LRRC4C: variants seen among roughly 807,000 people sequenced by gnomAD.
The protein encoded by LRRC4C is leucine rich repeat containing 4C.
A neutral mutation model predicts 33.6 loss-of-function variants in LRRC4C; 5 were observed. The ratio of observed to expected loss-of-function variants is 0.15; its 90% CI spans 0.08 to 0.31. LRRC4C has a LOEUF of 0.31. Among genes scored for constraint, LRRC4C ranks in the 10% least tolerant of loss-of-function variants. LRRC4C has a pLI of 1.00. For synonymous variants in LRRC4C, 329 were observed against 302.0 expected, an observed-to-expected ratio of 1.09 and a Z score of -0.93; for missense variants, 560 against 796.7, an observed-to-expected ratio of 0.70 and a Z score of 3.58.
intron 3 of LRRC4C, among the ~76,000 whole-genome samples, chr11:40,324,061 A>ATG (rs1466796424): frequency 6.6e-6 from 1 of 152,198 alleles, no homozygotes; most frequent in Non-Finnish European, 1.5e-5. Context: ...GGTGGCAAGT[A>ATG]TGTGTGTGTG....
At chr11:40,727,759 A>G (rs1334033602) in intron 2 of LRRC4C, among the ~76,000 whole-genome samples, 1 of 152,104 alleles carries the variant, frequency 6.6e-6, no homozygotes, top group Non-Finnish European at 1.5e-5. Flanking sequence ...TCAAAAGAAG[A>G]CATACAAGGC....
At chr11:40,502,049 T>A (rs1296265029) in intron 3 of LRRC4C, among the ~76,000 whole-genome samples, 1 of 152,168 alleles carries the variant, frequency 6.6e-6, no homozygotes, top group Non-Finnish European at 1.5e-5. Flanking sequence ...AAATCTCTAG[T>A]GCAGGGGCAA....
chr11:40,654,716 T>C (rs1200174846), intron 2 of LRRC4C, among the ~76,000 whole-genome samples: 1 of 152,160 alleles, frequency 6.6e-6, no homozygotes, highest in East Asian at 1.9e-4. Flanking sequence ...GGCATTATTG[T>C]TTCTTAAGTT....
chr11:40,464,096 T>C (rs1952538784), intron 3 of LRRC4C, among the ~76,000 whole-genome samples: 1 of 151,980 alleles, frequency 6.6e-6, no homozygotes, highest in African/African-American at 2.4e-5. Context: ...AAATAAATAC[T>C]AGTAAACTGA....
At chr11:40,891,191 C>T (rs1481489377) in intron 2 of LRRC4C, among the ~76,000 whole-genome samples, 4 of 151,944 alleles carry the variant, frequency 2.6e-5, no homozygotes, top group East Asian at 1.9e-4. Context: ...GAGCTGAGAT[C>T]GCGCCCCTGC....
intron 3 of LRRC4C, among the ~76,000 whole-genome samples, chr11:40,461,904 A>G (rs1952415760): frequency 6.6e-6 from 1 of 151,812 alleles, no homozygotes; most frequent in Non-Finnish European, 1.5e-5. Context: ...GTTATAAATT[A>G]TAAAAAGTAA....
intron 2 of LRRC4C, among the ~76,000 whole-genome samples, chr11:40,771,844 G>A (rs1045708462): frequency 1.3e-5 from 2 of 152,122 alleles, no homozygotes; most frequent in Admixed American, 1.3e-4. Context: ...TTTAGTCAAA[G>A]CCATTCAACA....
chr11:40,659,624 G>C (rs926455159), intron 2 of LRRC4C, among the ~76,000 whole-genome samples: 1 of 152,094 alleles, frequency 6.6e-6, no homozygotes, highest in Non-Finnish European at 1.5e-5. Flanking sequence ...ACCAACTTAG[G>C]GTATCTTTGA....
intron 3 of LRRC4C, among the ~76,000 whole-genome samples, chr11:40,401,615 C>A (rs1949762840): frequency 6.6e-6 from 1 of 152,104 alleles, no homozygotes; most frequent in Non-Finnish European, 1.5e-5. Flanking sequence ...ATTGGTAGCT[C>A]ACCAAATCTA....
At chr11:40,668,990 C>T (rs945540135) in intron 2 of LRRC4C, among the ~76,000 whole-genome samples, 1 of 152,170 alleles carries the variant, frequency 6.6e-6, no homozygotes, top group Non-Finnish European at 1.5e-5. Context: ...CTCTATAGCC[C>T]AGGTTCAAAT....
chr11:41,139,595 A>G (rs1943414351), intron 1 of LRRC4C, among the ~76,000 whole-genome samples: 1 of 152,238 alleles, frequency 6.6e-6, no homozygotes, highest in Non-Finnish European at 1.5e-5. Context: ...AGGTTATCCA[A>G]GCACCAAAAA....
intron 2 of LRRC4C, among the ~76,000 whole-genome samples, chr11:40,748,539 C>A (rs2136964261): frequency 6.6e-6 from 1 of 152,008 alleles, no homozygotes; most frequent in East Asian, 1.9e-4. Context: ...CATAAACCAC[C>A]AAACCTCAAT....
intron 5 of LRRC4C, among the ~76,000 whole-genome samples, chr11:40,232,550 A>C (rs1441763266): frequency 6.6e-6 from 1 of 152,216 alleles, no homozygotes; most frequent in African/African-American, 2.4e-5. Context: ...ATGCAATAGT[A>C]ATGTTTAAAG....
chr11:41,151,965 T>C (rs1371753963), intron 1 of LRRC4C, among the ~76,000 whole-genome samples: 1 of 152,210 alleles, frequency 6.6e-6, no homozygotes, highest in Non-Finnish European at 1.5e-5. Flanking sequence ...AGGAAGCAGC[T>C]AGTACTGCAG....
intron 3 of LRRC4C, among the ~76,000 whole-genome samples, chr11:40,352,689 A>G (rs1947467212): frequency 6.6e-6 from 1 of 152,128 alleles, no homozygotes; most frequent in Admixed American, 6.5e-5. Context: ...ATGTCTTCAG[A>G]TTATTTCTTA....
intron 2 of LRRC4C, among the ~76,000 whole-genome samples, chr11:40,736,427 G>T (rs1394866982): frequency 2.0e-5 from 3 of 152,068 alleles, no homozygotes; most frequent in African/African-American, 7.2e-5. Context: ...TGGGCATTTT[G>T]GTTGGTTCCA....
chr11:40,687,397 A>G (rs996553418), intron 2 of LRRC4C, among the ~76,000 whole-genome samples: 1 of 152,086 alleles, frequency 6.6e-6, no homozygotes, highest in Non-Finnish European at 1.5e-5. Context: ...GTGTATATCT[A>G]TCTATTAGAT....
chr11:40,416,884 T>C (rs550637324), intron 3 of LRRC4C, among the ~76,000 whole-genome samples: 2 of 152,340 alleles, frequency 1.3e-5, no homozygotes, highest in African/African-American at 4.8e-5. Context: ...GTATATACAA[T>C]AAGCTCTCAG....
chr11:41,444,945 A>G (rs1955772450), intron 1 of LRRC4C, among the ~76,000 whole-genome samples: 1 of 152,004 alleles, frequency 6.6e-6, no homozygotes, highest in Non-Finnish European at 1.5e-5. Flanking sequence ...CTAGGATCAC[A>G]GGCATGCATC....
Sources: allele counts gnomAD v4.1 joint callset (sites outside exome capture counted in the v4.1 genomes callset), GRCh38; gene constraint gnomAD v4.1.1; transcripts MANE v1.5; gene names NCBI Gene and HGNC (gene_info 2026-07-23, HGNC 2026-07-21).